The following NAV2 variants were observed in gnomAD, a reference collection of about 807,000 sequenced individuals.
The protein encoded by NAV2 is neuron navigator 2.
A neutral mutation model predicts 223.2 loss-of-function variants in NAV2; 54 were observed. The observed-to-expected ratio is 0.24, with a 90% CI of 0.19 to 0.30. NAV2 has a LOEUF of 0.30. Among genes scored for constraint, NAV2 ranks in the 10% least tolerant of loss-of-function variants. The pLI, the probability that NAV2 is intolerant of heterozygous loss-of-function variation, is 1.00. For synonymous variants in NAV2, 1,279 were observed against 1,239.3 expected, an observed-to-expected ratio of 1.03 and a Z score of -0.67; for missense variants, 2,806 against 3,147.5, an observed-to-expected ratio of 0.89 and a Z score of 2.60.
At chr11:19,488,810 G>A (rs1399078338) in intron 1 of NAV2, among the ~76,000 whole-genome samples, 1 of 152,154 alleles carries the variant, frequency 6.6e-6, no homozygotes, top group Non-Finnish European at 1.5e-5. Flanking sequence ...ACCAGGTGTG[G>A]CCATTTATTG....
At chr11:19,892,667 T>C (rs1591101661) in intron 6 of NAV2, 73 bp downstream of exon 6, 1 of 1,509,148 alleles carries the variant, frequency 6.6e-7, no homozygotes, top group Non-Finnish European at 9.0e-7. Context: ...TTCGGGTGAA[T>C]TGGGTTGGGT....
rs903915587 is a variant in NAV2, at chr11:19,423,561, G to C, written c.75+72534G>C. Among the ~76,000 whole-genome samples the C allele has an allele frequency of 3.9e-4, 60 of 152,212 alleles. 1 individual carries two copies. The highest frequency in any genetic ancestry group is 1.4e-3 in the African/African-American group (58 of 41,456). The stretch of plus-strand genomic sequence containing the variant: ...CTTAAGTGGGGAGAGCATTTATTGA[G>C]CATCTACTCTGTACCATGTACAACA... On this transcript the variant is annotated intron_variant, in intron 1 of 37. Coordinates refer to the NAV2 transcript ENST00000360655.
At chr11:19,991,363 G>A (rs1249874462) in intron 11 of NAV2, among the ~76,000 whole-genome samples, 1 of 152,052 alleles carries the variant, frequency 6.6e-6, no homozygotes, top group Admixed American at 6.5e-5. Context: ...GAGCTCAAGT[G>A]ATCTGCCTGC....
intron 1 of NAV2, among the ~76,000 whole-genome samples, chr11:19,563,417 C>T (rs1159209880): frequency 6.6e-6 from 1 of 152,198 alleles, no homozygotes; most frequent in East Asian, 1.9e-4. Flanking sequence ...TCATGGTCTC[C>T]TTTTGACACA....
chr11:19,902,468 C>T (rs908263481), intron 6 of NAV2, among the ~76,000 whole-genome samples: 4 of 151,944 alleles, frequency 2.6e-5, no homozygotes, highest in Admixed American at 6.6e-5. Flanking sequence ...CTCTAAAATA[C>T]AATAAACCTG....
chr11:20,074,760 CT>C (rs1554948003), intron 22 of NAV2, among the ~76,000 whole-genome samples: 30,578 of 110,668 alleles, frequency 0.28, 2,859 homozygotes, highest in East Asian at 0.46. Flanking sequence ...TGCAACTCTG[CT>C]TTTTTTTTTT....
intron 11 of NAV2, among the ~76,000 whole-genome samples, chr11:19,988,851 C>A (rs1565711165): frequency 1.3e-5 from 2 of 152,192 alleles, no homozygotes; most frequent in Non-Finnish European, 2.9e-5. Context: ...CTTTGTGATT[C>A]ATATGGAACA....
intron 24 of NAV2, among the ~76,000 whole-genome samples, chr11:20,079,002 T>C (rs1038102008): frequency 2.0e-5 from 3 of 152,212 alleles, no homozygotes; most frequent in Non-Finnish European, 2.9e-5. Flanking sequence ...CTTTCCTGCT[T>C]GTACTGATGA....
At position 20,120,383 on chromosome 11, in the gene NAV2, T is replaced by C. The variant is rs2063413132; in HGVS notation, c.*2125T>C. On this transcript the variant is annotated 3_prime_UTR_variant, in exon 38 of 38. Coordinates refer to ENST00000349880, the MANE Select transcript of NAV2 (RefSeq NM_145117.5). ...TCTGTTTTTCTTTTTAATAAAACTT[T>C]TAAACCATATATTTAGCCTGTGACC... 1 of 152,654 alleles carries C rather than the reference T, an allele frequency of 6.6e-6. No individual in the cohort carries two copies. Among genetic ancestry groups the C allele is most frequent in the South Asian group, 2.1e-4 (1 of 4,834 alleles). The allele number at this position is 152,654 out of a possible 1,614,324, so 9.5% of individuals were successfully genotyped here.
rs748398197 is a variant in NAV2, at chr11:20,103,344, C to G, written c.6507C>G (p.Asn2169Lys). ...VDMPLVIILD[N>K]LHHVSSLGEI... ...TGCCCCTCGTCATCATCCTGGACAACCTACACCACGTGAGCTCTCTGGGAG... is the reference window on the plus strand; with the variant it reads ...TGCCCCTCGTCATCATCCTGGACAAGCTACACCACGTGAGCTCTCTGGGAG... Residue 2169 changes from asparagine to lysine, a missense_variant, in exon 33 of 38, where the codon AAC becomes AAG. Transcript: ENST00000349880. 6.2e-7 allele frequency: 1 copy of G among 1,614,062 alleles called. No individual in the cohort carries two copies. Among genetic ancestry groups the G allele is most frequent in the Non-Finnish European group, 8.5e-7 (1 of 1,180,014 alleles).
chr11:19,928,113 A>G (rs1276321407), intron 6 of NAV2, among the ~76,000 whole-genome samples: 1 of 152,218 alleles, frequency 6.6e-6, no homozygotes, highest in African/African-American at 2.4e-5. Flanking sequence ...CACATTTAAT[A>G]TGAGTATATC....
intron 6 of NAV2, among the ~76,000 whole-genome samples, chr11:19,925,747 CAAAAA>C (rs748662441): frequency 3.1e-5 from 3 of 95,766 alleles, no homozygotes; most frequent in Non-Finnish European, 4.5e-5. Flanking sequence ...GATTCTGTCT[CAAAAA>C]AAAAAAAAAA....
chr11:20,075,137 C>A (rs1039315401), intron 22 of NAV2, among the ~76,000 whole-genome samples: 52 of 151,980 alleles, frequency 3.4e-4, no homozygotes, highest in Admixed American at 2.8e-3. Flanking sequence ...TTTTGTTTTG[C>A]CACACTCTCC....
intron 1 of NAV2, among the ~76,000 whole-genome samples, chr11:19,637,324 T>C (rs181433468): frequency 6.6e-6 from 1 of 152,292 alleles, no homozygotes; most frequent in Admixed American, 6.5e-5. Flanking sequence ...CTGTATTCCC[T>C]TCCCTAGCTG....
chr11:19,545,178 T>C (rs2044459668), intron 1 of NAV2, among the ~76,000 whole-genome samples: 1 of 152,198 alleles, frequency 6.6e-6, no homozygotes, highest in Non-Finnish European at 1.5e-5. Flanking sequence ...GCATTTATTA[T>C]TGGGCGCTCA....
intron 1 of NAV2, among the ~76,000 whole-genome samples, chr11:19,394,039 GC>G (rs1849352966): frequency 6.6e-6 from 1 of 151,914 alleles, no homozygotes. Context: ...TTGAAGACCT[GC>G]TTTACTTGGG....
At chr11:19,722,363 G>A (rs535486001) in intron 1 of NAV2, among the ~76,000 whole-genome samples, 3 of 152,270 alleles carry the variant, frequency 2.0e-5, no homozygotes, top group African/African-American at 7.2e-5. Context: ...TGCTGGTCTA[G>A]GCACTGAGAA....
At chr11:19,910,120 C>T (rs955999890) in intron 6 of NAV2, among the ~76,000 whole-genome samples, 5 of 152,130 alleles carry the variant, frequency 3.3e-5, no homozygotes, top group Non-Finnish European at 7.3e-5. Context: ...AGTAACATCT[C>T]CATTTTATAA....
intron 1 of NAV2, among the ~76,000 whole-genome samples, chr11:19,619,473 C>T (rs1367937496): frequency 2.6e-5 from 4 of 152,174 alleles, no homozygotes; most frequent in Admixed American, 6.5e-5. Context: ...GAGATGGTAT[C>T]TCATTGTGGT....
Sources: gnomAD v4.1 joint callset for allele counts (sites outside exome capture counted in the v4.1 genomes callset) on GRCh38, gnomAD v4.1.1 for gene constraint, MANE v1.5 for transcripts, NCBI Gene and HGNC (gene_info 2026-07-23, HGNC 2026-07-21) for gene names.